The following KDM1A variants were observed in gnomAD, a reference collection of about 807,000 sequenced individuals.
The protein encoded by KDM1A is lysine demethylase 1A, also known as lysine-specific histone demethylase 1A.
A neutral mutation model predicts 109.4 loss-of-function variants in KDM1A; 49 were observed. That is an observed-to-expected ratio of 0.45 (90% CI 0.36 to 0.57). KDM1A has a LOEUF of 0.57. Among genes scored for constraint, KDM1A ranks in the 20% least tolerant of loss-of-function variants. The pLI, the probability that KDM1A is intolerant of heterozygous loss-of-function variation, is 0.00. For missense variants in KDM1A, 668 were observed against 1,116.6 expected (o/e 0.60, Z 5.73); for synonymous variants, 380 against 415.4 (o/e 0.91, Z 1.04).
At chr1:23,036,466 TCA>T (rs1642148353) in intron 2 of KDM1A, among the ~76,000 whole-genome samples, 9 of 60,102 alleles carry the variant, frequency 1.5e-4, no homozygotes, top group African/African-American at 5.5e-4. Flanking sequence ...CCCCGCCCCC[TCA>T]CCACTCCAGC....
intron 1 of KDM1A, among the ~76,000 whole-genome samples, chr1:23,021,033 T>C (rs140073232): frequency 6.6e-6 from 1 of 152,346 alleles, no homozygotes; most frequent in Non-Finnish European, 1.5e-5. Context: ...TTGCAGATTA[T>C]ATAATTTATG....
intron 2 of KDM1A, among the ~76,000 whole-genome samples, chr1:23,039,486 G>T (rs911058205): frequency 6.6e-6 from 1 of 152,106 alleles, no homozygotes; most frequent in Admixed American, 6.6e-5. Flanking sequence ...AACTAAAATA[G>T]CATTTGTTTT....
chr1:23,040,623 A>C (rs1642284360), intron 2 of KDM1A, among the ~76,000 whole-genome samples: 3 of 140,392 alleles, frequency 2.1e-5, no homozygotes, highest in Admixed American at 2.1e-4. Context: ...TCGTCTCTAC[A>C]AAAAAAAAAA....
intron 2 of KDM1A, 44 bp downstream of exon 2, chr1:23,030,678 TA>T: frequency 6.8e-7 from 1 of 1,466,276 alleles, no homozygotes; most frequent in Non-Finnish European, 9.1e-7. Flanking sequence ...ATCTTAGAAA[TA>T]AGAATGAATG....
rs970607221 is a variant in KDM1A, at chr1:23,019,926, C to T, written c.330C>T (p.Thr110=). The change falls in exon 1 of 21, where the codon ACC becomes ACT. Residue 110 remains threonine, a synonymous_variant. Transcript: ENST00000400181. ...CAGAGACTCCGGAGGGGCGTCGGAC[C>T]AGCCGGCGCAAGCGGGCGAAGGTAA... ...GIAETPEGRR[T]SRRKRAKVEY... 9.2e-5 allele frequency: 144 copies of T among 1,569,686 alleles called. No individual in the cohort carries two copies. The highest frequency in any genetic ancestry group is 1.2e-4 in the Non-Finnish European group (142 of 1,160,726).
Position 23,083,433 on chromosome 1 carries a change from ATAC to A in KDM1A, c.*72_*74del. The A allele has an allele frequency of 6.9e-7, 1 of 1,443,240 alleles. No homozygotes were observed. The highest frequency in any genetic ancestry group is 9.3e-7 in the Non-Finnish European group (1 of 1,073,712). 89.4% of individuals were successfully genotyped at this position (1,443,240 alleles called of 1,614,324 possible). A position where few individuals can be genotyped will look rare whatever the true frequency, so the allele number is the denominator to read the frequency against. ...CCATGTAAGGAAGGCTCTTCTAGCA[ATAC>A]TAGATCCCACTGAGAAAATCCACCC... On this transcript the variant is annotated 3_prime_UTR_variant, in exon 21 of 21. Transcript: ENST00000400181.
chr1:23,025,963 C>G (rs926369202), intron 1 of KDM1A, among the ~76,000 whole-genome samples: 1 of 152,008 alleles, frequency 6.6e-6, no homozygotes, highest in African/African-American at 2.4e-5. Flanking sequence ...TGGTGGCATG[C>G]GCCTGTAGTC....
At chr1:23,066,551 A>G (rs572291095) in intron 10 of KDM1A, among the ~76,000 whole-genome samples, 55 of 152,278 alleles carry the variant, frequency 3.6e-4, no homozygotes, top group South Asian at 6.2e-4. Flanking sequence ...TTTAATCTGT[A>G]CCATTTGCAC....
intron 1 of KDM1A, among the ~76,000 whole-genome samples, chr1:23,021,873 A>G (rs931384761): frequency 6.6e-6 from 1 of 152,040 alleles, no homozygotes; most frequent in African/African-American, 2.4e-5. Flanking sequence ...CCTGGCAACC[A>G]CTAATCTACT....
rs751487817 is a variant in KDM1A at position 23,072,119 on chromosome 1, A to G, written c.1549-5A>G. On this transcript the variant is annotated splice_region_variant and splice_polypyrimidine_tract_variant and intron_variant, in intron 13 of 20. Transcript: ENST00000400181. ...GGTAACTCAGGTTCACTTAATTTTT[A>G]TCAGGAATATGATGAATTAGCTGAA... 6.3e-7 allele frequency: 1 copy of G among 1,598,240 alleles called. No individual in the cohort carries two copies. The highest frequency in any genetic ancestry group is 1.1e-5 in the South Asian group (1 of 89,044).
intron 2 of KDM1A, among the ~76,000 whole-genome samples, chr1:23,042,435 A>ATATTATTATTATTATTAT (rs1404004021): frequency 1.1e-3 from 62 of 58,550 alleles, no homozygotes; most frequent in Middle Eastern, 8.6e-3. Flanking sequence ...TCTATGAAAT[A>ATATTATTATTATTATTAT]TATTATTTTT....
intron 2 of KDM1A, among the ~76,000 whole-genome samples, chr1:23,043,420 T>G (rs1642409658): frequency 1.3e-5 from 2 of 152,256 alleles, no homozygotes. Flanking sequence ...TTATTCTCTT[T>G]GTTGTTCCCT....
intron 4 of KDM1A, among the ~76,000 whole-genome samples, chr1:23,050,837 C>G (rs1642647870): frequency 6.6e-6 from 1 of 152,134 alleles, no homozygotes; most frequent in East Asian, 1.9e-4. Context: ...GTAATCCCAG[C>G]ACTTAGGGAG....
chr1:23,079,241 C>T lies in KDM1A; in HGVS notation c.2055+64C>T. 6.5e-7 allele frequency: 1 copy of T among 1,529,352 alleles called. No individual in the cohort carries two copies. The highest frequency in any genetic ancestry group is 2.3e-5 in the East Asian group (1 of 44,172). 94.7% of individuals were successfully genotyped at this position (1,529,352 alleles called of 1,614,324 possible). ...TACAAATAGCAGTCTTCGTTGTTTA[C>T]TTGGTGAGGAGGTGGCCTTGCATTT... On this transcript the variant is annotated intron_variant, in intron 17 of 20. Coordinates refer to ENST00000400181, the MANE Select transcript of KDM1A (RefSeq NM_001009999.3). This position sits in a 1 kb window ranked among gnomAD's most constrained non-coding sequence, Gnocchi z 5.6.
intron 15 of KDM1A, among the ~76,000 whole-genome samples, chr1:23,074,043 A>C (rs571617348): frequency 1.3e-5 from 2 of 152,366 alleles, no homozygotes; most frequent in Admixed American, 1.3e-4. Flanking sequence ...TTATAAATCA[A>C]CTTCCAAACT....
intron 9 of KDM1A, among the ~76,000 whole-genome samples, chr1:23,062,487 T>C (rs1643028031): frequency 6.6e-6 from 1 of 152,234 alleles, no homozygotes; most frequent in African/African-American, 2.4e-5. Flanking sequence ...ATTAATGATG[T>C]CATCCTGTAG....
At chr1:23,056,319 A>G (rs1002383144) in intron 7 of KDM1A, among the ~76,000 whole-genome samples, 1 of 152,040 alleles carries the variant, frequency 6.6e-6, no homozygotes, top group African/African-American at 2.4e-5. Flanking sequence ...TGGGGCCTTC[A>G]TGGACATATC....
Position 23,070,840 on chromosome 1 carries a change from A to G in KDM1A, c.1414-385A>G, listed in dbSNP as rs543456790. 3.3e-5 allele frequency among the ~76,000 whole-genome samples: 5 copies of G among 152,176 alleles called. No homozygotes were observed. The East Asian group carries it at 7.7e-4, about 24-fold the overall frequency. ...AAAAACAAACACACACATTATGACA[A>G]TTTGTTTCCGAAAATAAGTTTAAGT... On this transcript the variant is annotated intron_variant, in intron 12 of 20. Coordinates refer to ENST00000400181, the MANE Select transcript of KDM1A (RefSeq NM_001009999.3).
chr1:23,049,098 G>A (rs945264759), intron 3 of KDM1A, among the ~76,000 whole-genome samples: 1 of 137,818 alleles, frequency 7.3e-6, no homozygotes, highest in Non-Finnish European at 1.5e-5. Context: ...GTTGCAGTGA[G>A]CCGAGATCGC....
Sources: allele counts gnomAD v4.1 joint callset (sites outside exome capture counted in the v4.1 genomes callset), GRCh38; gene constraint gnomAD v4.1.1; non-coding constraint Gnocchi (gnomAD v3.1); transcripts MANE v1.5; gene names NCBI Gene and HGNC (gene_info 2026-07-23, HGNC 2026-07-21).